Variants in MALRD1 observed in about 807,000 individuals in gnomAD.
MALRD1 encodes MAM and LDL-receptor class A domain-containing protein 1.
MALRD1 carries 247 observed loss-of-function variants against 242.1 expected under a neutral mutation model. The ratio of observed to expected loss-of-function variants is 1.02; its 90% confidence interval spans 0.92 to 1.13. MALRD1 has a LOEUF of 1.13. MALRD1 is among the 50% of genes most tolerant of loss of function. The pLI, the probability that MALRD1 is intolerant of heterozygous loss-of-function variation, is 0.00. For synonymous variants in MALRD1, 995 were observed against 866.6 expected (o/e 1.15, Z -2.60); for missense variants, 2,989 against 2,533.1 (o/e 1.18, Z -3.86).
At chr10:19,615,757 C>T in intron 35 of MALRD1, 100 bp from the exon 36 acceptor site, 1 of 979,604 alleles carries the variant, frequency 1.0e-6, no homozygotes, top group Non-Finnish European at 1.5e-6. Context: ...GGAATTTACT[C>T]TTAGAGATTA....
intron 26 of MALRD1, among the ~76,000 whole-genome samples, chr10:19,373,869 C>T (rs1373408010): frequency 6.6e-6 from 1 of 152,168 alleles, no homozygotes; most frequent in Non-Finnish European, 1.5e-5. Flanking sequence ...GTTAGATTTT[C>T]ACTAGATATA....
At chr10:19,485,148 T>G (rs1292385324) in intron 29 of MALRD1, among the ~76,000 whole-genome samples, 3 of 151,912 alleles carry the variant, frequency 2.0e-5, no homozygotes, top group Non-Finnish European at 4.4e-5. Flanking sequence ...GCATACAGAG[T>G]GGCATAAAGA....
At chr10:19,080,005 A>G (rs1403412051) in intron 2 of MALRD1, among the ~76,000 whole-genome samples, 4 of 151,988 alleles carry the variant, frequency 2.6e-5, no homozygotes, top group Admixed American at 2.6e-4. Context: ...TTATGAATGA[A>G]CTTCCATTCA....
rs1835260891 is a variant in MALRD1 at position 19,450,449 on chromosome 10, G to T, written c.4988G>T (p.Gly1663Val). Residue 1663 changes from glycine to valine, a missense_variant, in exon 29 of 40, where the codon GGA (glycine) becomes GTA (valine). Physicochemically the swap from Gly to Val is moderately radical, Grantham distance 109. Coordinates refer to ENST00000454679, the MANE Select transcript of MALRD1 (RefSeq NM_001142308.3). ...QGIRTRDLGG[G>V]AAIDDIEFKN... ...ATCAGAACAAGGGACCTGGGAGGAG[G>T]AGCTGCAATTGATGATATTGAATTT... 1.9e-6 allele frequency: 3 copies of T among 1,550,166 alleles called. No individual in the cohort carries two copies. The highest frequency in any genetic ancestry group is 2.7e-5 in the African/African-American group (2 of 73,028).
chr10:19,386,211 G>A (rs1232479851), intron 26 of MALRD1, among the ~76,000 whole-genome samples: 2 of 152,144 alleles, frequency 1.3e-5, no homozygotes, highest in African/African-American at 4.8e-5. Context: ...GCTTCTATAT[G>A]AGGTTGTATC....
At chr10:19,712,218 G>A (rs760099988) in intron 38 of MALRD1, among the ~76,000 whole-genome samples, 2 of 152,134 alleles carry the variant, frequency 1.3e-5, no homozygotes, top group Non-Finnish European at 2.9e-5. Flanking sequence ...ATGAAAAAAC[G>A]GTGAGCAATT....
intron 22 of MALRD1, among the ~76,000 whole-genome samples, chr10:19,324,522 C>T (rs941402440): frequency 1.3e-5 from 2 of 151,624 alleles, no homozygotes; most frequent in Non-Finnish European, 2.9e-5. Flanking sequence ...CTGTTAAAAA[C>T]GTTAAGCTGT....
chr10:19,096,376 A>C (rs1021114612), intron 4 of MALRD1, among the ~76,000 whole-genome samples: 3 of 152,204 alleles, frequency 2.0e-5, no homozygotes, highest in Non-Finnish European at 4.4e-5. Context: ...TAAAGCAGAT[A>C]CGTGTGCAAT....
At chr10:19,322,275 G>A (rs1266669162) in intron 21 of MALRD1, among the ~76,000 whole-genome samples, 4 of 152,012 alleles carry the variant, frequency 2.6e-5, no homozygotes, top group African/African-American at 4.8e-5. Context: ...GATATTTAAC[G>A]TATGATATAT....
intron 4 of MALRD1, among the ~76,000 whole-genome samples, chr10:19,100,084 C>G (rs1836198097): frequency 6.6e-6 from 1 of 151,788 alleles, no homozygotes; most frequent in Non-Finnish European, 1.5e-5. Context: ...TTTTAATCAT[C>G]CTGGGGTTCC....
intron 28 of MALRD1, among the ~76,000 whole-genome samples, chr10:19,391,682 G>A (rs567445445): frequency 6.6e-6 from 1 of 152,188 alleles, no homozygotes; most frequent in South Asian, 2.1e-4. Context: ...AACTTTCCTT[G>A]GCCACATTTG....
At chr10:19,363,719 A>C (rs1186407872) in intron 26 of MALRD1, among the ~76,000 whole-genome samples, 2 of 152,164 alleles carry the variant, frequency 1.3e-5, no homozygotes, top group African/African-American at 4.8e-5. Context: ...TTAAAGGATG[A>C]ATGAGTCTTG....
At chr10:19,266,761 A>G (rs1839990059) in intron 19 of MALRD1, among the ~76,000 whole-genome samples, 1 of 152,034 alleles carries the variant, frequency 6.6e-6, no homozygotes, top group African/African-American at 2.4e-5. Context: ...TTACATTTCT[A>G]GTAGGAACTT....
intron 24 of MALRD1, among the ~76,000 whole-genome samples, chr10:19,337,968 A>G (rs1843682822): frequency 6.6e-6 from 1 of 151,746 alleles, no homozygotes; most frequent in Admixed American, 6.6e-5. Flanking sequence ...AGGCTGGGGC[A>G]GGGGAATTGC....
chr10:19,096,587 C>T (rs946768147), intron 4 of MALRD1, among the ~76,000 whole-genome samples: 12 of 152,140 alleles, frequency 7.9e-5, no homozygotes, highest in African/African-American at 2.2e-4. Flanking sequence ...TGGTGGGCCA[C>T]AGAGAAGTGC....
intron 26 of MALRD1, among the ~76,000 whole-genome samples, chr10:19,371,227 C>A (rs961461024): frequency 6.6e-6 from 1 of 151,832 alleles, no homozygotes; most frequent in Non-Finnish European, 1.5e-5. Context: ...TTAGCCTGGG[C>A]AACCCAGTGA....
At chr10:19,599,409 G>A (rs1325568754) in intron 34 of MALRD1, among the ~76,000 whole-genome samples, 2 of 151,986 alleles carry the variant, frequency 1.3e-5, no homozygotes, top group African/African-American at 4.8e-5. Flanking sequence ...AAGCAATATA[G>A]TTTTTATCAA....
At chr10:19,317,033 A>G (rs1280575933) in intron 21 of MALRD1, among the ~76,000 whole-genome samples, 1 of 151,316 alleles carries the variant, frequency 6.6e-6, no homozygotes, top group African/African-American at 2.4e-5. Flanking sequence ...CCGTAAAGAT[A>G]CACACACCTA....
In MALRD1 at chr10:19,094,515, C is replaced by T. The variant is rs543820296; in HGVS notation, c.597+6330C>T. Among the ~76,000 whole-genome samples, 37 of 150,692 alleles carry T rather than the reference C, an allele frequency of 2.5e-4. No homozygotes were observed. In the East Asian group the frequency reaches 3.2e-3, roughly 13 times the overall value. Reference sequence around the variant, plus strand: ...CTGGCACTCCCTAGTGAGATGAACCCGGTACCTCAGATGGAAATGCAGAAA... The same window carrying T: ...CTGGCACTCCCTAGTGAGATGAACCTGGTACCTCAGATGGAAATGCAGAAA... On this transcript the variant is annotated intron_variant, in intron 4 of 39. Coordinates refer to ENST00000454679, the MANE Select transcript of MALRD1 (RefSeq NM_001142308.3).
Sources: gnomAD v4.1 joint callset for allele counts (sites outside exome capture counted in the v4.1 genomes callset) on GRCh38, gnomAD v4.1.1 for gene constraint, MANE v1.5 for transcripts, NCBI Gene and HGNC (gene_info 2026-07-23, HGNC 2026-07-21) for gene names.